KIAA1328: variants seen among roughly 807,000 people sequenced by gnomAD.
KIAA1328 encodes the protein KIAA1328.
Under a neutral mutation model 68.1 loss-of-function variants are expected in KIAA1328, and 52 were observed. The observed-to-expected ratio is 0.76, with a 90% CI of 0.61 to 0.96. The LOEUF (loss-of-function observed/expected upper bound fraction) is 0.96, where lower values mean the gene tolerates loss of function less well. Ranked by LOEUF, KIAA1328 falls within the 40% of genes least tolerant of loss-of-function variation. KIAA1328 has a pLI of 0.00. For missense variants in KIAA1328, 641 were observed against 677.6 expected, an observed-to-expected ratio of 0.95 and a Z score of 0.60; for synonymous variants, 232 against 239.4, an observed-to-expected ratio of 0.97 and a Z score of 0.28.
chr18:37,181,260 A>G (rs2059693694), intron 9 of KIAA1328, among the ~76,000 whole-genome samples: 1 of 152,176 alleles, frequency 6.6e-6, no homozygotes, highest in Non-Finnish European at 1.5e-5. Flanking sequence ...AACTTCAGAA[A>G]ATAATGTATT....
chr18:36,844,022 A>C (rs1418034758), intron 3 of KIAA1328, among the ~76,000 whole-genome samples, 186 bp from the exon 4 acceptor site: 1 of 152,056 alleles, frequency 6.6e-6, no homozygotes, highest in Non-Finnish European at 1.5e-5. Flanking sequence ...AAATCTCATG[A>C]AGTGTCCTAG....
chr18:37,130,690 A>G (rs2058501536), intron 7 of KIAA1328, among the ~76,000 whole-genome samples: 1 of 152,230 alleles, frequency 6.6e-6, no homozygotes, highest in African/African-American at 2.4e-5. Flanking sequence ...GGGAGATAAG[A>G]GAAATATGGT....
chr18:36,840,630 A>G (rs1392623442), intron 3 of KIAA1328, among the ~76,000 whole-genome samples: 3 of 151,874 alleles, frequency 2.0e-5, no homozygotes, highest in Non-Finnish European at 2.9e-5. Flanking sequence ...TGATTTTTGT[A>G]TAAACAGAGA....
chr18:37,036,066 A>G (rs534380029), intron 6 of KIAA1328, among the ~76,000 whole-genome samples: 2 of 152,192 alleles, frequency 1.3e-5, no homozygotes, highest in Non-Finnish European at 2.9e-5. Context: ...GTAGAAAGGT[A>G]TTATCTGAAT....
At chr18:37,063,646 G>A (rs2056236644) in intron 6 of KIAA1328, 2 of 985,244 alleles carry the variant, frequency 2.0e-6, no homozygotes, top group African/African-American at 1.7e-5. Flanking sequence ...AATTGACAGA[G>A]CATTGCTCTC....
At chr18:37,229,717 A>G (rs2060656255), downstream of KIAA1328, 3 of 336,656 alleles carry the variant, frequency 8.9e-6, no homozygotes. Context: ...TGTATTTTGT[A>G]TTTGTAAAAA....
chr18:36,968,192 A>G (rs777002657), intron 6 of KIAA1328, among the ~76,000 whole-genome samples: 2 of 152,210 alleles, frequency 1.3e-5, no homozygotes, highest in Non-Finnish European at 2.9e-5. Context: ...CAGTGACACT[A>G]TAATGCAACC....
At chr18:37,101,182 G>A (rs1599269479) in intron 7 of KIAA1328, among the ~76,000 whole-genome samples, 1 of 152,194 alleles carries the variant, frequency 6.6e-6, no homozygotes, top group Non-Finnish European at 1.5e-5. Flanking sequence ...ACTTTGATGA[G>A]TTGAGAGAAG....
intron 9 of KIAA1328, among the ~76,000 whole-genome samples, chr18:37,210,205 A>G (rs906116942): frequency 1.3e-5 from 2 of 152,144 alleles, no homozygotes; most frequent in Admixed American, 1.3e-4. Context: ...CCTTTCTTGA[A>G]TTGGTAACGT....
At chr18:36,886,010 C>G (rs2048489011) in intron 5 of KIAA1328, 1 of 276,364 alleles carries the variant, frequency 3.6e-6, no homozygotes, top group South Asian at 1.5e-4. Flanking sequence ...AGCCACCGTG[C>G]CTGGCCAGAA....
Position 36,964,411 on chromosome 18 carries a change from G to T in KIAA1328, c.576+4976G>T, listed in dbSNP as rs775388151. Among the ~76,000 whole-genome samples the T allele has an allele frequency of 5.9e-5, 9 of 152,150 alleles. No individual in the cohort carries two copies. The East Asian group carries it at 9.6e-4, about 16-fold the overall frequency. On this transcript the variant is annotated intron_variant, in intron 6 of 9. Coordinates refer to ENST00000280020, the MANE Select transcript of KIAA1328 (RefSeq NM_020776.3). ...ATGAGGCATTTCTTTGACTTTGAGA[G>T]ACTTTTTCTGTTTCTTGTTTGTATT... is the stretch of plus-strand genomic sequence containing the variant.
intron 7 of KIAA1328, among the ~76,000 whole-genome samples, chr18:37,100,970 G>T (rs1197474234): frequency 6.6e-6 from 1 of 152,206 alleles, no homozygotes; most frequent in Admixed American, 6.5e-5. Flanking sequence ...CTGACTGTTA[G>T]AAGGAAAACT....
chr18:37,046,861 T>C (rs2055491570), intron 6 of KIAA1328, among the ~76,000 whole-genome samples: 1 of 152,216 alleles, frequency 6.6e-6, no homozygotes, highest in Non-Finnish European at 1.5e-5. Flanking sequence ...CTGGGCGCGG[T>C]GGCTCACACA....
At chr18:37,169,080 A>G (rs904921291) in intron 8 of KIAA1328, among the ~76,000 whole-genome samples, 9 of 152,040 alleles carry the variant, frequency 5.9e-5, no homozygotes, top group Non-Finnish European at 1.2e-4. Flanking sequence ...TTACATGTAT[A>G]TAAACATACA....
intron 6 of KIAA1328, among the ~76,000 whole-genome samples, chr18:37,009,361 A>G (rs1048723234): frequency 2.0e-5 from 3 of 152,170 alleles, no homozygotes; most frequent in Admixed American, 1.3e-4. Flanking sequence ...AAGTTTTTCC[A>G]TAGAGCTTCT....
chr18:37,195,082 C>T (rs2059978320), intron 9 of KIAA1328, among the ~76,000 whole-genome samples: 1 of 152,138 alleles, frequency 6.6e-6, no homozygotes, highest in Admixed American at 6.5e-5. Flanking sequence ...TTACCTCAAA[C>T]ATTTATCTCT....
chr18:36,928,929 T>C (rs1288258474), intron 5 of KIAA1328, among the ~76,000 whole-genome samples: 2 of 152,198 alleles, frequency 1.3e-5, no homozygotes, highest in African/African-American at 4.8e-5. Flanking sequence ...TTTGGGTAAT[T>C]TCTGCTGCCT....
In KIAA1328 at chr18:37,224,823, C is replaced by T; in HGVS notation, c.*2596C>T. 3 of 985,492 alleles carry T rather than the reference C, an allele frequency of 3.0e-6. No homozygotes were observed. The highest frequency in any genetic ancestry group is 3.6e-6 in the Non-Finnish European group (3 of 829,984). The allele number at this position is 985,492 out of a possible 1,614,324, so 61.0% of individuals were successfully genotyped here. A position where few individuals can be genotyped will look rare whatever the true frequency, so the allele number is the denominator to read the frequency against. Reference sequence around the variant, plus strand: ...GCGGATAGTGCCTCACCATTGCCCACCCTGCTGCCCAACTCCTGTGAGAGA... The same window carrying T: ...GCGGATAGTGCCTCACCATTGCCCATCCTGCTGCCCAACTCCTGTGAGAGA... On this transcript the variant is annotated 3_prime_UTR_variant, in exon 10 of 10. Transcript: ENST00000280020.
At position 36,959,429 on chromosome 18, in the gene KIAA1328, A is replaced by G; in HGVS notation, c.570A>G (p.Glu190=). 6.2e-7 allele frequency: 1 copy of G among 1,608,640 alleles called. No homozygotes were observed. Among genetic ancestry groups the G allele is most frequent in the Non-Finnish European group, 8.5e-7 (1 of 1,178,184 alleles). The change falls in exon 6 of 10, where the codon GAA becomes GAG. Residue 190 remains glutamate (E), a synonymous_variant. Transcript: ENST00000280020. ...LSELGAARMQ[E]QQVSSRKSTL... is the part of the protein sequence containing the mutation. Reference sequence around the variant, plus strand: ...AACTTGGTGCTGCTAGAATGCAGGAACAGCAGGTAAGCATCTTTAATTTTA... The same window carrying G: ...AACTTGGTGCTGCTAGAATGCAGGAGCAGCAGGTAAGCATCTTTAATTTTA...
Sources: gnomAD v4.1 joint callset for allele counts (sites outside exome capture counted in the v4.1 genomes callset) on GRCh38, gnomAD v4.1.1 for gene constraint, MANE v1.5 for transcripts, NCBI Gene and HGNC (gene_info 2026-07-23, HGNC 2026-07-21) for gene names.